Variants in SPMIP2 observed in about 807,000 individuals in gnomAD.
SPMIP2 encodes protein SPMIP2.
the SPMIP2 span, among the ~76,000 whole-genome samples, chr4:159,006,708 G>T: frequency 3.3e-5 from 5 of 152,142 alleles, no homozygotes; most frequent in Non-Finnish European, 7.4e-5. Context: ...AGATACAAAA[G>T]AAACTTAAAG....
the SPMIP2 span, among the ~76,000 whole-genome samples, chr4:158,996,905 G>A: frequency 3.3e-5 from 5 of 152,114 alleles, no homozygotes; most frequent in African/African-American, 1.2e-4. Flanking sequence ...CTGGAATTTC[G>A]ATGACTGGCT....
At chr4:158,991,637 G>C in the SPMIP2 span, among the ~76,000 whole-genome samples, 7 of 152,142 alleles carry the variant, frequency 4.6e-5, no homozygotes, top group African/African-American at 1.4e-4. Flanking sequence ...AAACATCGTG[G>C]CTTCAATTTT....
chr4:158,932,236 C>T, the SPMIP2 span, among the ~76,000 whole-genome samples: 4 of 152,004 alleles, frequency 2.6e-5, no homozygotes, highest in Admixed American at 6.6e-5. Context: ...ATGTCAAAGC[C>T]GGGTGGATCA....
At chr4:159,072,078 C>T in the SPMIP2 span, among the ~76,000 whole-genome samples, 1 of 152,168 alleles carries the variant, frequency 6.6e-6, no homozygotes, top group African/African-American at 2.4e-5. Context: ...TTTGGTAGGC[C>T]AAGGTGGGTG....
the SPMIP2 span, among the ~76,000 whole-genome samples, chr4:159,069,139 C>G: frequency 6.6e-6 from 1 of 152,072 alleles, no homozygotes; most frequent in Non-Finnish European, 1.5e-5. Context: ...CCCATCTCTA[C>G]TAAAAATACA....
At chr4:159,063,121 G>A in the SPMIP2 span, among the ~76,000 whole-genome samples, 1 of 152,136 alleles carries the variant, frequency 6.6e-6, no homozygotes, top group Non-Finnish European at 1.5e-5. Flanking sequence ...TAAGATGTTA[G>A]GGTGGCTTCA....
the SPMIP2 span, among the ~76,000 whole-genome samples, chr4:159,059,943 T>C: frequency 6.6e-6 from 1 of 152,098 alleles, no homozygotes. Context: ...ACAAGAATGC[T>C]TTCCAGTCAT....
At chr4:158,960,961 C>T in the SPMIP2 span, among the ~76,000 whole-genome samples, 1 of 147,658 alleles carries the variant, frequency 6.8e-6, no homozygotes, top group South Asian at 2.2e-4. Flanking sequence ...ACTGACTCCT[C>T]TTCTCTAGGA....
the SPMIP2 span, among the ~76,000 whole-genome samples, chr4:159,067,328 T>C: frequency 6.6e-6 from 1 of 152,164 alleles, no homozygotes; most frequent in Non-Finnish European, 1.5e-5. Context: ...GAGTGCAATG[T>C]CCGCCTCCTG....
the SPMIP2 span, among the ~76,000 whole-genome samples, chr4:158,966,441 G>A: frequency 1.3e-5 from 2 of 152,186 alleles, no homozygotes; most frequent in African/African-American, 2.4e-5. Flanking sequence ...ACCTGTGCTT[G>A]GGATATTGGC....
At chr4:159,053,260 A>G in the SPMIP2 span, among the ~76,000 whole-genome samples, 2 of 152,046 alleles carry the variant, frequency 1.3e-5, no homozygotes, top group African/African-American at 4.8e-5. Flanking sequence ...CCGGCCGACT[A>G]TTATTTTTTA....
chr4:158,910,219 T>C, the SPMIP2 span, among the ~76,000 whole-genome samples: 10 of 151,916 alleles, frequency 6.6e-5, no homozygotes, highest in Non-Finnish European at 8.8e-5. Flanking sequence ...GGCTAGGCGA[T>C]AGTAATCAGA....
At chr4:159,074,798 T>G in the SPMIP2 span, among the ~76,000 whole-genome samples, 161 of 152,270 alleles carry the variant, frequency 1.1e-3, no homozygotes, top group African/African-American at 3.8e-3. Flanking sequence ...TGTTAAGAAT[T>G]TGTATCAACC....
the SPMIP2 span, among the ~76,000 whole-genome samples, chr4:159,057,860 G>A: frequency 6.6e-6 from 1 of 152,078 alleles, no homozygotes; most frequent in Non-Finnish European, 1.5e-5. Flanking sequence ...GCAATTGTAA[G>A]TTGGTTGTTT....
the SPMIP2 span, among the ~76,000 whole-genome samples, chr4:159,020,916 C>T: frequency 8.5e-5 from 13 of 152,126 alleles, no homozygotes; most frequent in African/African-American, 2.9e-4. Context: ...CGCCCACCAC[C>T]ACGCCCGGCT....
chr4:159,068,111 A>G, the SPMIP2 span, among the ~76,000 whole-genome samples: 2 of 152,214 alleles, frequency 1.3e-5, no homozygotes, highest in African/African-American at 4.8e-5. Context: ...GCGATTCCTC[A>G]GGGATCTAGA....
chr4:158,982,175 A>G, the SPMIP2 span, among the ~76,000 whole-genome samples: 2 of 152,250 alleles, frequency 1.3e-5, no homozygotes, highest in Admixed American at 6.5e-5. Flanking sequence ...AGAGCTAAAT[A>G]TCTTAAATAT....
At chr4:159,051,402 A>G in the SPMIP2 span, among the ~76,000 whole-genome samples, 1 of 152,182 alleles carries the variant, frequency 6.6e-6, no homozygotes, top group East Asian at 1.9e-4. Context: ...AGAAGAAAGG[A>G]TTACACCCAC....
chr4:159,077,352 G>C, the SPMIP2 span, among the ~76,000 whole-genome samples: 2 of 151,766 alleles, frequency 1.3e-5, no homozygotes, highest in African/African-American at 4.8e-5. Flanking sequence ...TCTCCATGTT[G>C]GTCAGGCTGG....
Sources: allele counts gnomAD v4.1 joint callset (sites outside exome capture counted in the v4.1 genomes callset), GRCh38; gene constraint gnomAD v4.1.1; transcripts MANE v1.5; gene names NCBI Gene and HGNC (gene_info 2026-07-23, HGNC 2026-07-21).